The following RBM20 variants were observed in gnomAD, a reference collection of about 807,000 sequenced individuals.
RBM20 encodes RNA binding motif protein 20.
RBM20 carries 51 observed loss-of-function variants against 110.1 expected under a neutral mutation model. That is an observed-to-expected ratio of 0.46 (90% CI 0.37 to 0.59). The LOEUF (loss-of-function observed/expected upper bound fraction) is 0.59. Among genes scored for constraint, RBM20 ranks in the 20% least tolerant of loss-of-function variants. RBM20 has a pLI of 0.00. For synonymous variants in RBM20, 589 were observed against 618.2 expected (o/e 0.95, Z 0.70); for missense variants, 1,512 against 1,574.9 (o/e 0.96, Z 0.68).
chr10:110,658,485 C>T (rs192783359), intron 1 of RBM20, among the ~76,000 whole-genome samples: 5 of 152,260 alleles, frequency 3.3e-5, no homozygotes, highest in East Asian at 1.9e-4. Context: ...TCGGAGATCC[C>T]GGGCTCAGAG....
chr10:110,751,423 C>T (rs1406048303), intron 1 of RBM20, among the ~76,000 whole-genome samples: 1 of 152,194 alleles, frequency 6.6e-6, no homozygotes, highest in Admixed American at 6.5e-5. Flanking sequence ...ACTTTAAAGA[C>T]CAAAGAAGAT....
At chr10:110,831,681 A>AAAC (rs1554844425) in intron 13 of RBM20, among the ~76,000 whole-genome samples, 1 of 146,004 alleles carries the variant, frequency 6.8e-6, no homozygotes, top group Non-Finnish European at 1.5e-5. Context: ...AAAAAAAAAA[A>AAAC]AAAAAAAAAA....
At chr10:110,820,280 C>A in intron 10 of RBM20, 104 bp downstream of exon 10, 2 of 719,490 alleles carry the variant, frequency 2.8e-6, no homozygotes, top group East Asian at 5.5e-5. Context: ...GGCTGAGACC[C>A]CACCATTAGT....
chr10:110,737,754 G>A (rs1175434466), intron 1 of RBM20, among the ~76,000 whole-genome samples: 3 of 151,980 alleles, frequency 2.0e-5, no homozygotes, highest in African/African-American at 4.8e-5. Flanking sequence ...GTTAGTGTTC[G>A]CGGCTGTGTA....
chr10:110,831,685 A>AAAAC (rs1845057616), intron 13 of RBM20, among the ~76,000 whole-genome samples: 1 of 150,282 alleles, frequency 6.7e-6, no homozygotes, highest in South Asian at 2.1e-4. Flanking sequence ...AAAAAAAAAA[A>AAAAC]AAAAAACACT....
In RBM20 at chr10:110,699,208, G is replaced by A. The variant is rs549835838; in HGVS notation, c.191+54563G>A. Among the ~76,000 whole-genome samples the A allele has an allele frequency of 3.3e-5, 5 of 151,174 alleles. No homozygotes were observed. In the South Asian group the frequency reaches 1.0e-3, roughly 32 times the overall value. ...GGCAGGCAGTGGCTTCTTACTCAAG[G>A]CATGCTGATTTTGAAAAGTATGAGG... On this transcript the variant is annotated intron_variant, in intron 1 of 13. Coordinates refer to ENST00000369519, the MANE Select transcript of RBM20 (RefSeq NM_001134363.3).
Position 110,781,308 on chromosome 10 carries a change from A to G in RBM20, c.699A>G (p.Lys233=). 6.4e-7 allele frequency: 1 copy of G among 1,551,742 alleles called. No individual in the cohort carries two copies. The highest frequency in any genetic ancestry group is 1.4e-5 in the African/African-American group (1 of 73,194). ...CAGCAGGATTCTATGAGTATGGCAA[A>G]GCCAGCTCTGGCCAGACATATGGCC... ...PATAGFYEYG[K]ASSGQTYGPE... The change falls in exon 2 of 14, where the codon AAA becomes AAG. Residue 233 remains lysine, a synonymous_variant. Transcript: ENST00000369519.
chr10:110,776,001 G>A (rs181746577), intron 1 of RBM20, among the ~76,000 whole-genome samples: 132 of 152,268 alleles, frequency 8.7e-4, no homozygotes, highest in African/African-American at 3.2e-3. Flanking sequence ...CAACAATTTA[G>A]CAACCATGGC....
chr10:110,657,112 G>C (rs1862037148), intron 1 of RBM20, among the ~76,000 whole-genome samples: 1 of 151,962 alleles, frequency 6.6e-6, no homozygotes, highest in Non-Finnish European at 1.5e-5. Flanking sequence ...TTCCTCCCGG[G>C]TTCAAGCGAT....
chr10:110,744,578 G>A (rs990138717), intron 1 of RBM20, among the ~76,000 whole-genome samples: 3 of 152,178 alleles, frequency 2.0e-5, no homozygotes, highest in Non-Finnish European at 2.9e-5. Flanking sequence ...CTTACTGAAC[G>A]GAAACTCTGG....
At chr10:110,649,726 G>C (rs1241426993) in intron 1 of RBM20, among the ~76,000 whole-genome samples, 1 of 152,194 alleles carries the variant, frequency 6.6e-6, no homozygotes, top group Non-Finnish European at 1.5e-5. Context: ...GCTGCGTTTA[G>C]AGTGTTGAAA....
In RBM20 at chr10:110,823,572, T is replaced by C; in HGVS notation, c.3409T>C (p.Trp1137Arg). ...ELKQPLSLPS[W>R]EPEDVFSELS... ...GAAACAGCCCCTTTCTTTGCCCTCT[T>C]GGGAACCAGAGGATGTGTTCAGTGA... is the stretch of plus-strand genomic sequence containing the variant. The change falls in exon 12 of 14, where the codon TGG becomes CGG. Residue 1137 changes from tryptophan (W) to arginine (R), a missense_variant. Physicochemically the swap from Trp to Arg is moderately radical, Grantham distance 101. This residue lies in a region of RBM20 where 358 missense variants were observed against 384.2 expected (regional missense o/e 0.93). Coordinates refer to ENST00000369519, the MANE Select transcript of RBM20 (RefSeq NM_001134363.3). 1.3e-6 allele frequency: 2 copies of C among 1,551,380 alleles called. No homozygotes were observed. The highest frequency in any genetic ancestry group is 4.9e-5 in the East Asian group (2 of 40,916).
rs374886499 is a variant in RBM20, at chr10:110,747,053, C to T, written c.192-33748C>T. On this transcript the variant is annotated intron_variant, in intron 1 of 13. Transcript: ENST00000369519. ...CTAGTCCATTGTATTGTGCCAGTGT[C>T]AATTTCCTGGTTTTGATCATGTAAT... is the stretch of plus-strand genomic sequence containing the variant. 2.2e-4 allele frequency among the ~76,000 whole-genome samples: 34 copies of T among 152,230 alleles called. No individual in the cohort carries two copies. The South Asian group carries it at 3.3e-3, about 15-fold the overall frequency.
chr10:110,712,887 T>C (rs1862957194), intron 1 of RBM20, among the ~76,000 whole-genome samples: 1 of 152,244 alleles, frequency 6.6e-6, no homozygotes, highest in African/African-American at 2.4e-5. Flanking sequence ...TTTTGCTCTT[T>C]TCTGTGATTC....
In RBM20 at chr10:110,738,553, T is replaced by C. The variant is rs74158129; in HGVS notation, c.192-42248T>C. ...TTCACTTTGACCAAGGTCTGTGAAA[T>C]GACAGGGAGCTTACGAAACGGTGCA... On this transcript the variant is annotated intron_variant, in intron 1 of 13. Transcript: ENST00000369519. 8.6e-3 allele frequency among the ~76,000 whole-genome samples: 1,303 copies of C among 152,104 alleles called. 17 individuals carry two copies. Among genetic ancestry groups the C allele is most frequent in the African/African-American group, 0.03 (1,246 of 41,490 alleles).
At chr10:110,661,816 C>G (rs1029669132) in intron 1 of RBM20, among the ~76,000 whole-genome samples, 3 of 151,950 alleles carry the variant, frequency 2.0e-5, no homozygotes, top group Admixed American at 1.3e-4. Context: ...TTGAGATCAG[C>G]CTGACCAACA....
Position 110,735,208 on chromosome 10 carries a change from C to T in RBM20, c.192-45593C>T, listed in dbSNP as rs141357155. 6.6e-3 allele frequency among the ~76,000 whole-genome samples: 1,011 copies of T among 152,166 alleles called. 10 individuals carry two copies. The highest frequency in any genetic ancestry group is 0.023 in the African/African-American group (975 of 41,510). ...TAAGTGAAAAGGTAAATGTTTATTC[C>T]AGGTATATATAGGAAAAAATAAATA... is the stretch of plus-strand genomic sequence containing the variant. On this transcript the variant is annotated intron_variant, in intron 1 of 13. Coordinates refer to ENST00000369519, the MANE Select transcript of RBM20 (RefSeq NM_001134363.3).
intron 7 of RBM20, among the ~76,000 whole-genome samples, chr10:110,806,522 G>A (rs899513852): frequency 6.6e-6 from 1 of 152,096 alleles, no homozygotes; most frequent in Non-Finnish European, 1.5e-5. Context: ...TAGTACTGGG[G>A]GATGGTGCTA....
At position 110,819,026 on chromosome 10, in the gene RBM20, T is replaced by C. The variant is rs574880486; in HGVS notation, c.2551-1046T>C. Among the ~76,000 whole-genome samples the C allele has an allele frequency of 3.3e-5, 5 of 152,342 alleles. No individual in the cohort carries two copies. The South Asian group carries it at 1.0e-3, about 32-fold the overall frequency. ...AAACCAGTCAGCCCTGAGCTTCTGC[T>C]CCAGCTGGCTCCTAGTCAGCTCAAG... On this transcript the variant is annotated intron_variant, in intron 9 of 13. Coordinates refer to ENST00000369519, the MANE Select transcript of RBM20 (RefSeq NM_001134363.3).
Sources: allele counts gnomAD v4.1 joint callset (sites outside exome capture counted in the v4.1 genomes callset), GRCh38; gene constraint gnomAD v4.1.1; regional missense constraint gnomAD v4.1.1; transcripts MANE v1.5; gene names NCBI Gene and HGNC (gene_info 2026-07-23, HGNC 2026-07-21).